Variants in PDE4A observed in about 807,000 individuals in gnomAD.
PDE4A encodes the protein phosphodiesterase 4A.
PDE4A carries 21 observed loss-of-function variants against 73.9 expected under a neutral mutation model. The ratio of observed to expected loss-of-function variants is 0.28; its 90% CI spans 0.20 to 0.41. The LOEUF (loss-of-function observed/expected upper bound fraction) is 0.41, where lower values mean the gene tolerates loss of function less well. Among genes scored for constraint, PDE4A ranks in the 10% least tolerant of loss-of-function variants. The probability of loss-of-function intolerance (pLI) is 1.00; values close to 1 mark genes in which losing one functional copy is unlikely to be tolerated. For missense variants in PDE4A, 958 were observed against 1,211.4 expected, an observed-to-expected ratio of 0.79 and a Z score of 3.10; for synonymous variants, 463 against 505.4, an observed-to-expected ratio of 0.92 and a Z score of 1.13.
At chr19:10,430,545 G>C (rs1316189120) in intron 1 of PDE4A, among the ~76,000 whole-genome samples, 3 of 152,040 alleles carry the variant, frequency 2.0e-5, no homozygotes, top group African/African-American at 7.2e-5. Context: ...GAGTTTGCAG[G>C]AGTGTCCCCA....
chr19:10,420,517 ACGCGGAGCGCGGAG>A (rs927550639), upstream of PDE4A: 18 of 1,047,684 alleles, frequency 1.7e-5, no homozygotes, highest in South Asian at 4.7e-5. The surrounding 1 kb of genome is among the most constrained non-coding windows in gnomAD (Gnocchi z 6.0). Flanking sequence ...GGGCCGCGGA[ACGCGGAGCGCGGAG>A]CGCGGAGAGC....
chr19:10,441,227 T>A (rs1207519520), intron 1 of PDE4A, among the ~76,000 whole-genome samples: 1 of 152,170 alleles, frequency 6.6e-6, no homozygotes, highest in East Asian at 1.9e-4. Flanking sequence ...TTTTTTGTGT[T>A]TTTTGTTTCT....
intron 1 of PDE4A, among the ~76,000 whole-genome samples, chr19:10,433,193 G>A (rs1246469773): frequency 1.3e-5 from 2 of 151,694 alleles, no homozygotes; most frequent in African/African-American, 2.4e-5. Flanking sequence ...AGGGCAATCC[G>A]GGTCACCTGG....
upstream of PDE4A, chr19:10,420,181 A>G (rs1018446847): frequency 3.2e-5 from 5 of 157,044 alleles, no homozygotes; most frequent in African/African-American, 1.2e-4. The surrounding 1 kb of genome is among the most constrained non-coding windows in gnomAD (Gnocchi z 6.0). Context: ...GGACACGCCA[A>G]CACCGGACTC....
At chr19:10,440,584 T>C (rs994304594) in intron 1 of PDE4A, among the ~76,000 whole-genome samples, 5 of 151,864 alleles carry the variant, frequency 3.3e-5, no homozygotes, top group Admixed American at 1.3e-4. Context: ...CCGCCATGCC[T>C]GGCTAATTAT....
chr19:10,427,486 A>G, intron 1 of PDE4A: 1 of 985,386 alleles, frequency 1.0e-6, no homozygotes, highest in Non-Finnish European at 1.2e-6. Flanking sequence ...CAGGCAGCTC[A>G]TGTAAGGGCT....
intron 1 of PDE4A, among the ~76,000 whole-genome samples, chr19:10,423,635 C>T (rs1305668789): frequency 1.3e-5 from 2 of 152,148 alleles, no homozygotes; most frequent in African/African-American, 4.8e-5. Context: ...GTGGGGGTCA[C>T]TTTGAGGGTT....
Position 10,467,638 on chromosome 19 carries a change from C to A in PDE4A, c.*17C>A. On this transcript the variant is annotated 3_prime_UTR_variant, in exon 15 of 15. Coordinates refer to ENST00000380702, the MANE Select transcript of PDE4A (RefSeq NM_001111307.2). The stretch of plus-strand genomic sequence containing the variant: ...CCTACCTGATCCCCAGACCTCTGTC[C>A]CTGTTCCCCTCCACTCCTCCCCTCA... The A allele has an allele frequency of 6.6e-7, 1 of 1,522,698 alleles. No individual in the cohort carries two copies. Among genetic ancestry groups the A allele is most frequent in the Non-Finnish European group, 8.8e-7 (1 of 1,132,842 alleles). 94.3% of individuals were successfully genotyped at this position (1,522,698 alleles called of 1,614,324 possible).
intron 1 of PDE4A, 29 bp from the exon 2 acceptor site, chr19:10,446,189 T>C (rs1230155989): frequency 1.9e-6 from 3 of 1,547,512 alleles, no homozygotes; most frequent in Admixed American, 4.0e-5. Context: ...TTCAGCCTCC[T>C]GACCCCTCTT....
chr19:10,467,125 C>T lies in PDE4A; in HGVS notation c.2165C>T (p.Ser722Leu). Residue 722 changes from serine (S) to leucine (L), a missense_variant, in exon 15 of 15, where the codon TCA becomes TTA. Around this residue, in one of 3 missense-constraint regions of PDE4A, gnomAD observed 243 missense variants for 245.9 expected, o/e 0.99. Coordinates refer to ENST00000380702, the MANE Select transcript of PDE4A (RefSeq NM_001111307.2). Reference sequence around the variant, plus strand: ...GAGGAGGAAGAGGAGGAAGAAATATCAATGGCCCAGATACCGTGCACAGCC... The same window carrying T: ...GAGGAGGAAGAGGAGGAAGAAATATTAATGGCCCAGATACCGTGCACAGCC... ...TLEEEEEEEI[S>L]MAQIPCTAQE... 6.2e-7 allele frequency: 1 copy of T among 1,614,142 alleles called. No homozygotes were observed. Among genetic ancestry groups the T allele is most frequent in the Non-Finnish European group, 8.5e-7 (1 of 1,180,030 alleles).
intron 1 of PDE4A, among the ~76,000 whole-genome samples, chr19:10,430,054 T>C (rs1213459818): frequency 6.6e-6 from 1 of 151,802 alleles, no homozygotes; most frequent in Admixed American, 6.6e-5. Context: ...CTGGGGGTAC[T>C]GAGGGAGGGT....
chr19:10,450,520 G>T (rs1388112491), intron 4 of PDE4A, 83 bp from the exon 5 acceptor site: 1 of 1,500,812 alleles, frequency 6.7e-7, no homozygotes, highest in Non-Finnish European at 8.9e-7. Flanking sequence ...AATGAAAATT[G>T]GCACTGTTCA....
Position 10,420,646 on chromosome 19 carries a change from T to G in PDE4A, c.-119T>G. ...CCCCGGGTCTGTCCCCGGGGCGCCA[T>G]GGCCCTACCGCGGCCGGGCGCACCC... On this transcript the variant is annotated 5_prime_UTR_variant, in exon 1 of 15. An upstream start codon of the reference 5' UTR is lost. Coordinates refer to ENST00000380702, the MANE Select transcript of PDE4A (RefSeq NM_001111307.2). This position sits in a 1 kb window ranked among gnomAD's most constrained non-coding sequence, Gnocchi z 6.0. 2.2e-6 allele frequency: 3 copies of G among 1,356,744 alleles called. No individual in the cohort carries two copies. Among genetic ancestry groups the G allele is most frequent in the Non-Finnish European group, 1.9e-6 (2 of 1,062,456 alleles). 84.0% of individuals were successfully genotyped at this position (1,356,744 alleles called of 1,614,324 possible). A position where few individuals can be genotyped will look rare whatever the true frequency, so the allele number is the denominator to read the frequency against.
chr19:10,431,861 G>T (rs550505552), intron 1 of PDE4A, among the ~76,000 whole-genome samples: 1 of 152,146 alleles, frequency 6.6e-6, no homozygotes, highest in African/African-American at 2.4e-5. Context: ...GGAAATCGTT[G>T]CTTCTCTCCG....
chr19:10,460,435 G>A (rs2043244865), intron 10 of PDE4A, among the ~76,000 whole-genome samples: 1 of 151,604 alleles, frequency 6.6e-6, no homozygotes, highest in African/African-American at 2.4e-5. Flanking sequence ...GTAGGTGGAG[G>A]TTGCAGTGAG....
At position 10,468,527 on chromosome 19, in the gene PDE4A, C is replaced by G. The variant is rs1168188567; in HGVS notation, c.*906C>G. The G allele has an allele frequency of 1.7e-5, 2 of 120,270 alleles. No homozygotes were observed. Among genetic ancestry groups the G allele is most frequent in the Non-Finnish European group, 3.2e-5 (2 of 61,838 alleles). The allele number at this position is 120,270 out of a possible 1,614,324, so 7.5% of individuals were successfully genotyped here. On this transcript the variant is annotated 3_prime_UTR_variant, in exon 15 of 15. Coordinates refer to ENST00000380702, the MANE Select transcript of PDE4A (RefSeq NM_001111307.2). ...CTTCTAGCTGCTTCTCCTCTTGTTT[C>G]TGCCTTAATAATTCCCACGGCCACA...
chr19:10,467,752 G>A lies in PDE4A; in HGVS notation c.*131G>A, dbSNP rs201640912. On this transcript the variant is annotated 3_prime_UTR_variant, in exon 15 of 15. Coordinates refer to ENST00000380702, the MANE Select transcript of PDE4A (RefSeq NM_001111307.2). The stretch of plus-strand genomic sequence containing the variant: ...GAGAAAAAAGAAAACGAAAAGTGGG[G>A]TTTTTTTCTGTTTTCTTTTTTTCCC... 2 of 643,456 alleles carry A rather than the reference G, an allele frequency of 3.1e-6. No homozygotes were observed. The highest frequency in any genetic ancestry group is 3.7e-5 in the African/African-American group (2 of 53,788). The allele number at this position is 643,456 out of a possible 1,614,324, so 39.9% of individuals were successfully genotyped here.
In PDE4A at chr19:10,424,476, C is replaced by T. The variant is rs2042688845; in HGVS notation, c.320+3392C>T. On this transcript the variant is annotated intron_variant, in intron 1 of 14. Coordinates refer to ENST00000380702, the MANE Select transcript of PDE4A (RefSeq NM_001111307.2). This position sits in a 1 kb window ranked among gnomAD's most constrained non-coding sequence, Gnocchi z 4.8. The stretch of plus-strand genomic sequence containing the variant: ...TGTGGGTTGGGAGCGGGTCTCCCCG[C>T]GCGCCCTCTGCTGGACGACGAGGAA... Among the ~76,000 whole-genome samples the T allele has an allele frequency of 6.6e-6, 1 of 152,252 alleles. No individual in the cohort carries two copies. Among genetic ancestry groups the T allele is most frequent in the African/African-American group, 2.4e-5 (1 of 41,472 alleles).
chr19:10,454,364 G>A (rs1006973326), intron 6 of PDE4A, among the ~76,000 whole-genome samples: 1 of 152,218 alleles, frequency 6.6e-6, no homozygotes, highest in African/African-American at 2.4e-5. Context: ...GGAACACTTG[G>A]GTCAGGGGCA....
Sources: allele counts gnomAD v4.1 joint callset (sites outside exome capture counted in the v4.1 genomes callset), GRCh38; gene constraint gnomAD v4.1.1; regional missense constraint gnomAD v4.1.1; non-coding constraint Gnocchi (gnomAD v3.1); transcripts MANE v1.5; gene names NCBI Gene and HGNC (gene_info 2026-07-23, HGNC 2026-07-21).